Variants in MSR1 observed in about 807,000 individuals in gnomAD.
MSR1 encodes macrophage scavenger receptor types I and II.
Under a neutral mutation model 47.2 loss-of-function variants are expected in MSR1, and 53 were observed. The ratio of observed to expected loss-of-function variants is 1.12; its 90% confidence interval spans 0.90 to 1.41. The LOEUF (loss-of-function observed/expected upper bound fraction) is 1.41. Among genes scored for constraint, MSR1 ranks in the 40% most tolerant of loss-of-function variants. The pLI is 0.00. For missense variants in MSR1, 786 were observed against 546.9 expected (o/e 1.44, Z -4.36); for synonymous variants, 239 against 185.6 (o/e 1.29, Z -2.34).
Position 16,112,534 on chromosome 8 carries a change from G to A in MSR1, c.1223-2316C>T, listed in dbSNP as rs986085451. ...ATATTCAAGACTATTGAGCCCAGGG[G>A]AAAAATTTATTTAATACACATTTTC... On this transcript the variant is annotated intron_variant, in intron 9 of 9. Transcript: ENST00000262101. Among the ~76,000 whole-genome samples the A allele has an allele frequency of 4.6e-5, 7 of 152,082 alleles. No homozygotes were observed. In the South Asian group the frequency reaches 1.5e-3, roughly 32 times the overall value.
At chr8:16,132,721 G>C (rs951828733) in intron 8 of MSR1, among the ~76,000 whole-genome samples, 1 of 152,066 alleles carries the variant, frequency 6.6e-6, no homozygotes, top group Admixed American at 6.6e-5. Context: ...CTTACCTCAG[G>C]TGATCTTCCC....
intron 4 of MSR1, among the ~76,000 whole-genome samples, chr8:16,165,409 A>C (rs984565120): frequency 6.6e-6 from 1 of 152,104 alleles, no homozygotes; most frequent in Non-Finnish European, 1.5e-5. Context: ...CTGACGATTA[A>C]TGTTTATTAA....
chr8:16,172,771 A>T (rs1482671380), intron 3 of MSR1, among the ~76,000 whole-genome samples: 5 of 152,128 alleles, frequency 3.3e-5, no homozygotes, highest in Admixed American at 3.3e-4. Context: ...CTTCTTTAAG[A>T]AAAGATTGTA....
intron 1 of MSR1, among the ~76,000 whole-genome samples, chr8:16,184,603 A>G (rs1340768895): frequency 6.6e-6 from 1 of 152,156 alleles, no homozygotes. Context: ...GGCTTTCACA[A>G]CCTACCCAAA....
intron 1 of MSR1, among the ~76,000 whole-genome samples, chr8:16,181,917 G>A (rs149389742): frequency 6.6e-6 from 1 of 152,260 alleles, no homozygotes; most frequent in African/African-American, 2.4e-5. Context: ...TTGTGTTCAA[G>A]TATACCTGGT....
At chr8:16,128,642 T>C (rs1169415801) in intron 8 of MSR1, among the ~76,000 whole-genome samples, 1 of 152,148 alleles carries the variant, frequency 6.6e-6, no homozygotes, top group African/African-American at 2.4e-5. Context: ...ATGTTATGTT[T>C]TTACTTGCAA....
intron 8 of MSR1, among the ~76,000 whole-genome samples, chr8:16,125,940 A>G (rs1339517602): frequency 6.6e-6 from 1 of 152,064 alleles, no homozygotes; most frequent in Non-Finnish European, 1.5e-5. Flanking sequence ...CCAAAATTAT[A>G]TCTCTTAAAA....
chr8:16,144,397 T>C (rs1327463387), intron 7 of MSR1, among the ~76,000 whole-genome samples: 1 of 152,094 alleles, frequency 6.6e-6, no homozygotes, highest in Non-Finnish European at 1.5e-5. Context: ...TTCAAGTAAT[T>C]ACTACCTTGA....
chr8:16,144,508 C>T (rs796353870), intron 7 of MSR1, among the ~76,000 whole-genome samples: 18 of 152,226 alleles, frequency 1.2e-4, no homozygotes, highest in African/African-American at 4.3e-4. Flanking sequence ...TCAACCTTTT[C>T]ATCCTAGAGC....
At chr8:16,179,091 G>C (rs1201276310) in intron 1 of MSR1, among the ~76,000 whole-genome samples, 1 of 152,112 alleles carries the variant, frequency 6.6e-6, no homozygotes, top group African/African-American at 2.4e-5. Context: ...ATTTTTAGAG[G>C]TGTGTTTTTT....
At chr8:16,149,516 C>T (rs1233599321) in intron 7 of MSR1, among the ~76,000 whole-genome samples, 1 of 152,050 alleles carries the variant, frequency 6.6e-6, no homozygotes, top group Non-Finnish European at 1.5e-5. Flanking sequence ...GTACTCACCT[C>T]TGCACTTGGC....
chr8:16,120,601 A>G lies in MSR1; in HGVS notation c.1039T>C (p.Phe347Leu), dbSNP rs1799978552. Reference protein sequence around the residue: ...EKGSGNTLTPFTKVRLVGGSG... With the variant: ...EKGSGNTLTPLTKVRLVGGSG... ...CCACCGACCAGTCGAACTTTCGTAA[A>G]TGGAGCTGTAAAGTTAAAAAAAAAA... is the stretch of plus-strand genomic sequence containing the variant. The change falls in exon 9 of 10, where the codon TTT becomes CTT. Residue 347 changes from phenylalanine (F) to leucine (L), a missense_variant. By Grantham distance (22) the Phe-to-Leu change is conservative. Transcript: ENST00000262101. 6.3e-7 allele frequency: 1 copy of G among 1,598,808 alleles called. No homozygotes were observed. The highest frequency in any genetic ancestry group is 1.4e-5 in the African/African-American group (1 of 69,574).
intron 8 of MSR1, among the ~76,000 whole-genome samples, chr8:16,128,289 A>G (rs534125783): frequency 3.3e-5 from 5 of 152,072 alleles, no homozygotes; most frequent in East Asian, 1.9e-4. Flanking sequence ...GAAGTCCCCA[A>G]TGTGACTATA....
chr8:16,130,410 G>GC (rs1800228606), intron 8 of MSR1, among the ~76,000 whole-genome samples: 2 of 152,008 alleles, frequency 1.3e-5, no homozygotes, highest in Non-Finnish European at 2.9e-5. Context: ...GCTTTCTTCT[G>GC]CCCCCACTTA....
In MSR1 at chr8:16,164,173, C is replaced by G; in HGVS notation, c.709G>C (p.Glu237Gln). The G allele has an allele frequency of 6.2e-7, 1 of 1,612,050 alleles. No homozygotes were observed. Among genetic ancestry groups the G allele is most frequent in the Non-Finnish European group, 8.5e-7 (1 of 1,178,726 alleles). The change falls in exon 5 of 10, where the codon GAA (glutamate) becomes CAA (glutamine). Residue 237 changes from glutamate to glutamine, a missense_variant. Coordinates refer to ENST00000262101, the MANE Select transcript of MSR1 (RefSeq NM_138715.3). The stretch of plus-strand genomic sequence containing the variant: ...TTCACTTCTCCTTTTATTTCCTGTT[C>G]CAAATGCACTTGTTCTTCTTTCATA... ...MAMKEEQVHL[E>Q]QEIKGEVKVL...
chr8:16,155,186 A>G (rs762284471), intron 5 of MSR1, 42 bp from the exon 6 acceptor site: 1 of 1,478,056 alleles, frequency 6.8e-7, no homozygotes. Flanking sequence ...TGTAAAGCAT[A>G]GGAAAAATGG....
At chr8:16,169,532 CA>C (rs1213829198) in intron 3 of MSR1, among the ~76,000 whole-genome samples, 1 of 152,022 alleles carries the variant, frequency 6.6e-6, no homozygotes, top group Non-Finnish European at 1.5e-5. Flanking sequence ...TATATATTCA[CA>C]GCAGAAAATT....
chr8:16,174,508 G>A (rs954604127), intron 3 of MSR1, among the ~76,000 whole-genome samples: 2 of 152,088 alleles, frequency 1.3e-5, no homozygotes, highest in Admixed American at 1.3e-4. Context: ...TCTATCTCCG[G>A]TTCAAGTCAG....
chr8:16,160,133 C>T (rs1341577684), intron 5 of MSR1, among the ~76,000 whole-genome samples: 6 of 151,994 alleles, frequency 3.9e-5, no homozygotes, highest in Admixed American at 3.9e-4. Context: ...TTTATGCAAT[C>T]TAAGACTTCC....
Sources: allele counts gnomAD v4.1 joint callset (sites outside exome capture counted in the v4.1 genomes callset), GRCh38; gene constraint gnomAD v4.1.1; transcripts MANE v1.5; gene names NCBI Gene and HGNC (gene_info 2026-07-23, HGNC 2026-07-21).